The following NAA35 variants were observed in gnomAD, a reference collection of about 807,000 sequenced individuals.
NAA35 encodes MAK10 homolog, amino-acid N-acetyltransferase subunit.
Under a neutral mutation model 101.7 loss-of-function variants are expected in NAA35, and 18 were observed. The ratio of observed to expected loss-of-function variants is 0.18; its 90% CI spans 0.12 to 0.26. The LOEUF is 0.26. NAA35 is among the 10% of genes least tolerant of loss of function. The pLI is 1.00. For synonymous variants in NAA35, 267 were observed against 273.1 expected (o/e 0.98, Z 0.22); for missense variants, 601 against 886.8 (o/e 0.68, Z 4.09).
At chr9:85,955,360 A>ATATAT (rs749448250) in intron 2 of NAA35, among the ~76,000 whole-genome samples, 2 of 53,940 alleles carry the variant, frequency 3.7e-5, no homozygotes, top group East Asian at 7.6e-4. Flanking sequence ...ATATATATAT[A>ATATAT]TTTTTTTTTT....
chr9:86,000,831 A>G (rs1336888658), intron 12 of NAA35, among the ~76,000 whole-genome samples: 2 of 151,850 alleles, frequency 1.3e-5, no homozygotes, highest in Non-Finnish European at 2.9e-5. Flanking sequence ...TTTTTTTTCA[A>G]AAAACTAATA....
chr9:85,988,503 G>A (rs1024106736), intron 11 of NAA35, among the ~76,000 whole-genome samples: 8 of 152,234 alleles, frequency 5.3e-5, no homozygotes, highest in South Asian at 2.1e-4. Flanking sequence ...CTGAAAAGCC[G>A]TAAAGGACAT....
chr9:85,953,626 A>G (rs1386280576), intron 2 of NAA35, among the ~76,000 whole-genome samples: 1 of 151,344 alleles, frequency 6.6e-6, no homozygotes, highest in East Asian at 1.9e-4. Flanking sequence ...ATGGGGTTTC[A>G]CCACATTGGC....
At chr9:85,992,668 T>G (rs902102073) in intron 11 of NAA35, among the ~76,000 whole-genome samples, 13 of 152,202 alleles carry the variant, frequency 8.5e-5, no homozygotes, top group Admixed American at 5.9e-4. Context: ...TCTTCAAAGA[T>G]GTCAGTGTCA....
chr9:85,942,018 G>C, intron 1 of NAA35, 137 bp from the exon 2 acceptor site: 1 of 1,371,360 alleles, frequency 7.3e-7, no homozygotes, highest in East Asian at 2.4e-5. Context: ...TTGCAGTACT[G>C]TCCTTAGACT....
chr9:85,999,657 TC>T (rs1207101627), intron 12 of NAA35, among the ~76,000 whole-genome samples: 1 of 152,170 alleles, frequency 6.6e-6, no homozygotes, highest in Non-Finnish European at 1.5e-5. Flanking sequence ...TTGTCAGTGA[TC>T]CTTTAGAATT....
In NAA35 at chr9:85,962,490, C is replaced by CAA. The variant is rs781302881; in HGVS notation, c.516+328_516+329dup. The stretch of plus-strand genomic sequence containing the variant: ...TGGGCAACAGAGCGAGACTCTGTCT[C>CAA]AAAAAAAAAAAAAAAAAAAGAAAGA... On this transcript the variant is annotated intron_variant, in intron 6 of 22. Coordinates refer to ENST00000361671, the MANE Select transcript of NAA35 (RefSeq NM_024635.4). Among the ~76,000 whole-genome samples the CAA allele has an allele frequency of 5.1e-3, 438 of 85,930 alleles. 20 individuals are homozygous for CAA. The highest frequency in any genetic ancestry group is 0.017 in the African/African-American group (353 of 20,608). 56.4% of individuals were successfully genotyped at this position (85,930 alleles called of 152,430 possible).
intron 4 of NAA35, among the ~76,000 whole-genome samples, chr9:85,959,534 A>G (rs1306933631): frequency 1.3e-5 from 2 of 152,006 alleles, no homozygotes; most frequent in African/African-American, 2.4e-5. Context: ...TTATTTTGAT[A>G]TTTCTTGTTG....
At chr9:85,988,688 C>G (rs1830758074) in intron 11 of NAA35, among the ~76,000 whole-genome samples, 1 of 152,028 alleles carries the variant, frequency 6.6e-6, no homozygotes, top group Non-Finnish European at 1.5e-5. Context: ...CCCAGCTACT[C>G]AGGAGGCTGA....
chr9:86,018,913 T>G (rs1832377703), intron 21 of NAA35, 92 bp downstream of exon 21: 11 of 1,485,574 alleles, frequency 7.4e-6, no homozygotes, highest in Non-Finnish European at 1.0e-5. Context: ...AAAGTGAACT[T>G]TAATAGTGTT....
At chr9:85,952,459 A>G (rs1387963863) in intron 2 of NAA35, among the ~76,000 whole-genome samples, 1 of 151,460 alleles carries the variant, frequency 6.6e-6, no homozygotes, top group East Asian at 2.0e-4. Flanking sequence ...CTAATTTTGT[A>G]TTTTTAGTTG....
intron 2 of NAA35, 107 bp downstream of exon 2, chr9:85,942,390 TGTTGA>T (rs1828563461): frequency 6.9e-7 from 1 of 1,447,530 alleles, no homozygotes; most frequent in South Asian, 1.4e-5. Flanking sequence ...AAATGTGGTT[TGTTGA>T]GTTTGTTAGC....
chr9:85,966,638 T>A, intron 6 of NAA35: 1 of 1,298,818 alleles, frequency 7.7e-7, no homozygotes. Context: ...TGAATATAAT[T>A]TTAAAAATGA....
chr9:85,982,125 T>C (rs531610744), intron 11 of NAA35, among the ~76,000 whole-genome samples: 1 of 152,162 alleles, frequency 6.6e-6, no homozygotes, highest in East Asian at 1.9e-4. Context: ...GTTTTGGAGG[T>C]GGATAAGGAG....
intron 12 of NAA35, among the ~76,000 whole-genome samples, chr9:85,998,269 G>C (rs1587639046): frequency 6.6e-6 from 1 of 152,024 alleles, no homozygotes; most frequent in Non-Finnish European, 1.5e-5. Context: ...TTGGTAACCT[G>C]CTTTTTAAAA....
At chr9:85,946,001 C>T (rs1011187808) in intron 2 of NAA35, among the ~76,000 whole-genome samples, 1 of 152,118 alleles carries the variant, frequency 6.6e-6, no homozygotes, top group Middle Eastern at 3.4e-3. Flanking sequence ...TATAACTACT[C>T]TTGAGGCTCT....
chr9:85,985,425 A>C (rs1270156742), intron 11 of NAA35, among the ~76,000 whole-genome samples: 2 of 152,226 alleles, frequency 1.3e-5, no homozygotes, highest in Non-Finnish European at 2.9e-5. Flanking sequence ...ATTTGTCAAC[A>C]AAAAGAAATG....
chr9:85,951,724 C>T (rs1476956288), intron 2 of NAA35, among the ~76,000 whole-genome samples: 1 of 152,186 alleles, frequency 6.6e-6, no homozygotes, highest in Non-Finnish European at 1.5e-5. Context: ...GGCATGATCT[C>T]TGCTCACTGC....
chr9:85,967,487 A>G (rs770467747), intron 6 of NAA35, among the ~76,000 whole-genome samples: 61 of 152,158 alleles, frequency 4.0e-4, no homozygotes, highest in Admixed American at 3.2e-3. Flanking sequence ...CGAATCTAGT[A>G]AAGTCCTCAA....
Sources: allele counts gnomAD v4.1 joint callset (sites outside exome capture counted in the v4.1 genomes callset), GRCh38; gene constraint gnomAD v4.1.1; transcripts MANE v1.5; gene names NCBI Gene and HGNC (gene_info 2026-07-23, HGNC 2026-07-21).